The following CSMD3 variants were observed in gnomAD, a reference collection of about 807,000 sequenced individuals.
The protein encoded by CSMD3 is CUB and Sushi multiple domains 3.
In CSMD3, 177 loss-of-function variants were observed where a neutral mutation model predicts 435.2. The ratio of observed to expected loss-of-function variants is 0.41; its 90% confidence interval spans 0.36 to 0.46. CSMD3 has a LOEUF of 0.46. Ranked by LOEUF, CSMD3 falls within the 20% of genes least tolerant of loss-of-function variation. The pLI is 0.34. For missense variants in CSMD3, 4,265 were observed against 4,504.6 expected (o/e 0.95, Z 1.52); for synonymous variants, 1,656 against 1,520.5 (o/e 1.09, Z -2.07).
intron 38 of CSMD3, among the ~76,000 whole-genome samples, chr8:112,371,213 G>A (rs894904715): frequency 6.6e-6 from 1 of 152,140 alleles, no homozygotes; most frequent in Non-Finnish European, 1.5e-5. Context: ...CACATATACT[G>A]CTCCTCTGAA....
At chr8:113,229,768 A>G (rs2132178796) in intron 3 of CSMD3, among the ~76,000 whole-genome samples, 1 of 151,630 alleles carries the variant, frequency 6.6e-6, no homozygotes, top group South Asian at 2.1e-4. Flanking sequence ...AAATGACACC[A>G]CCCATGTTTT....
At chr8:113,076,922 T>C (rs1160673436) in intron 5 of CSMD3, among the ~76,000 whole-genome samples, 3 of 152,154 alleles carry the variant, frequency 2.0e-5, no homozygotes, top group African/African-American at 7.2e-5. Context: ...AAAACACTGT[T>C]ATACTATTCC....
chr8:112,801,649 A>G (rs1226158663), intron 12 of CSMD3, among the ~76,000 whole-genome samples: 1 of 151,978 alleles, frequency 6.6e-6, no homozygotes, highest in Non-Finnish European at 1.5e-5. Context: ...CTTTTAATTA[A>G]ATTTTGGGGC....
rs150732641 is a variant in CSMD3, at chr8:112,819,968, T to C, written c.1859+9718A>G. Among the ~76,000 whole-genome samples, 557 of 152,292 alleles carry C rather than the reference T, an allele frequency of 3.7e-3. 2 individuals are homozygous for C. The highest frequency in any genetic ancestry group is 0.013 in the African/African-American group (530 of 41,572). ...GTCCCATCAACATATTTGTTCTTTT[T>C]CTGGTTTTATGCTGTCTAGCTAATT... On this transcript the variant is annotated intron_variant, in intron 12 of 70. Transcript: ENST00000297405.
At chr8:112,813,009 T>C (rs2079270009) in intron 12 of CSMD3, among the ~76,000 whole-genome samples, 1 of 152,108 alleles carries the variant, frequency 6.6e-6, no homozygotes, top group African/African-American at 2.4e-5. Context: ...TAAGAGAAAA[T>C]GTTGTAGAAA....
In CSMD3 at chr8:112,843,700, G is replaced by GA. The variant is rs1435820444; in HGVS notation, c.1756-13912dup. Among the ~76,000 whole-genome samples the GA allele has an allele frequency of 3.3e-5, 5 of 151,674 alleles. No homozygotes were observed. In the East Asian group the frequency reaches 9.7e-4, roughly 29 times the overall value. On this transcript the variant is annotated intron_variant, in intron 11 of 70. Coordinates refer to ENST00000297405, the MANE Select transcript of CSMD3 (RefSeq NM_198123.2). ...GGAATGGACCTCAGCTAAGAGCCAAGAAAAAATAAAGATATTAAGGAACTA... is the reference window on the plus strand; with the variant it reads ...GGAATGGACCTCAGCTAAGAGCCAAGAAAAAAATAAAGATATTAAGGAACTA...
intron 66 of CSMD3, among the ~76,000 whole-genome samples, chr8:112,241,208 G>A (rs1333065283): frequency 6.6e-6 from 1 of 151,954 alleles, no homozygotes; most frequent in Non-Finnish European, 1.5e-5. Context: ...AAGGTCACAA[G>A]TCAGAGAGTA....
At chr8:113,081,991 C>G (rs946213620) in intron 5 of CSMD3, among the ~76,000 whole-genome samples, 2 of 152,162 alleles carry the variant, frequency 1.3e-5, no homozygotes, top group Non-Finnish European at 2.9e-5. Context: ...TGCATGCCCT[C>G]TGGGGATCTG....
intron 22 of CSMD3, among the ~76,000 whole-genome samples, chr8:112,599,481 A>G (rs1224563856): frequency 6.6e-6 from 1 of 151,350 alleles, no homozygotes; most frequent in Non-Finnish European, 1.5e-5. Context: ...GGGATCTAGA[A>G]CTAGAAATAC....
At chr8:113,125,997 CAA>C (rs1417422019) in intron 4 of CSMD3, among the ~76,000 whole-genome samples, 4 of 151,954 alleles carry the variant, frequency 2.6e-5, no homozygotes, top group African/African-American at 9.6e-5. Context: ...ATGATCCAAT[CAA>C]GAAGAAAAAC....
chr8:113,021,408 G>T lies in CSMD3; in HGVS notation c.918-2229C>A, dbSNP rs541588479. Among the ~76,000 whole-genome samples, 28 of 152,210 alleles carry T rather than the reference G, an allele frequency of 1.8e-4. 1 individual carries two copies. Among genetic ancestry groups the T allele is most frequent in the Admixed American group, 1.2e-3 (19 of 15,294 alleles). ...CATGCCAGATTTTGATTTACAATTTGGTTTTGTTCAATTCCCTATTTCGAT... is the reference window on the plus strand; with the variant it reads ...CATGCCAGATTTTGATTTACAATTTTGTTTTGTTCAATTCCCTATTTCGAT... On this transcript the variant is annotated intron_variant, in intron 5 of 70. Coordinates refer to ENST00000297405, the MANE Select transcript of CSMD3 (RefSeq NM_198123.2).
chr8:112,920,637 T>C (rs905648628), intron 10 of CSMD3, among the ~76,000 whole-genome samples: 1 of 151,828 alleles, frequency 6.6e-6, no homozygotes, highest in Non-Finnish European at 1.5e-5. Context: ...TATTTAAAGA[T>C]GATGATATTT....
Position 113,167,576 on chromosome 8 carries a change from T to A in CSMD3, c.709+6146A>T, listed in dbSNP as rs530744242. Among the ~76,000 whole-genome samples, 8 of 152,238 alleles carry A rather than the reference T, an allele frequency of 5.3e-5. No individual in the cohort carries two copies. In the South Asian group the frequency reaches 1.2e-3, roughly 24 times the overall value. On this transcript the variant is annotated intron_variant, in intron 4 of 70. Transcript: ENST00000297405. ...ACAAATGTACTTTTCAAAACAAGAT[T>A]AAGGTGCATGATAGGGCTATTGAGT...
chr8:112,240,846 T>A (rs1814054667), intron 66 of CSMD3, among the ~76,000 whole-genome samples: 1 of 152,004 alleles, frequency 6.6e-6, no homozygotes, highest in Admixed American at 6.6e-5. Context: ...ATCTGGTGGT[T>A]TTATCAGGGG....
At chr8:113,163,503 T>C (rs746192092) in intron 4 of CSMD3, among the ~76,000 whole-genome samples, 13 of 139,560 alleles carry the variant, frequency 9.3e-5, no homozygotes, top group Non-Finnish European at 1.4e-4. Flanking sequence ...ACTAAATTAA[T>C]ATTGAATTTT....
intron 7 of CSMD3, among the ~76,000 whole-genome samples, chr8:112,970,314 T>A (rs1030733108): frequency 6.9e-6 from 1 of 145,462 alleles, no homozygotes; most frequent in African/African-American, 2.6e-5. Flanking sequence ...AAATATGGCA[T>A]GAACCCAGGA....
chr8:113,318,276 A>C (rs1212064974), intron 1 of CSMD3, among the ~76,000 whole-genome samples: 5 of 152,110 alleles, frequency 3.3e-5, no homozygotes, highest in Non-Finnish European at 5.9e-5. Flanking sequence ...TTTGAAAGGC[A>C]AATTTTGTTT....
chr8:112,973,644 T>C (rs565587900), intron 7 of CSMD3, among the ~76,000 whole-genome samples: 82 of 151,858 alleles, frequency 5.4e-4, no homozygotes, highest in Non-Finnish European at 1.1e-3. Flanking sequence ...TCTTAGAAGA[T>C]AGTTTCATAA....
At chr8:112,410,652 GTATATATATGTA>G (rs1563913330) in intron 32 of CSMD3, among the ~76,000 whole-genome samples, 1 of 36,596 alleles carries the variant, frequency 2.7e-5, no homozygotes, top group Non-Finnish European at 5.4e-5. Flanking sequence ...ATATATATGT[GTATATATATGTA>G]TATATATATG....
Sources: gnomAD v4.1 joint callset for allele counts (sites outside exome capture counted in the v4.1 genomes callset) on GRCh38, gnomAD v4.1.1 for gene constraint, MANE v1.5 for transcripts, NCBI Gene and HGNC (gene_info 2026-07-23, HGNC 2026-07-21) for gene names.